Variants in GRK3 observed in about 807,000 individuals in gnomAD.
The protein encoded by GRK3 is G protein-coupled receptor kinase 3.
In GRK3, 54 loss-of-function variants were observed where a neutral mutation model predicts 95.7. The observed-to-expected ratio is 0.56, with a 90% CI of 0.45 to 0.71. GRK3 has a LOEUF of 0.71. Among genes scored for constraint, GRK3 ranks in the 30% least tolerant of loss-of-function variants. The pLI, the probability that GRK3 is intolerant of heterozygous loss-of-function variation, is 0.00. For synonymous variants in GRK3, 281 were observed against 290.8 expected (o/e 0.97, Z 0.34); for missense variants, 649 against 851.2 (o/e 0.76, Z 2.96).
At chr22:25,645,544 A>C (rs1182177794) in intron 3 of GRK3, among the ~76,000 whole-genome samples, 2 of 152,224 alleles carry the variant, frequency 1.3e-5, no homozygotes, top group African/African-American at 4.8e-5. Context: ...AGCTAAGCTG[A>C]AAACTTGTAA....
intron 14 of GRK3, 51 bp from the exon 15 acceptor site, chr22:25,704,058 G>A: frequency 1.5e-6 from 2 of 1,368,982 alleles, no homozygotes; most frequent in South Asian, 1.2e-5. Context: ...TTGAGTGTTA[G>A]GATGCTGTTT....
intron 1 of GRK3, among the ~76,000 whole-genome samples, chr22:25,597,548 G>A (rs112660832): frequency 2.4e-4 from 36 of 152,074 alleles, no homozygotes; most frequent in African/African-American, 5.8e-4. Context: ...ATCACAGTGC[G>A]CCCCATGAAT....
intron 2 of GRK3, among the ~76,000 whole-genome samples, chr22:25,629,079 C>A (rs528924722): frequency 9.0e-4 from 137 of 152,142 alleles, no homozygotes; most frequent in African/African-American, 3.0e-3. Flanking sequence ...AAAATAAAAA[C>A]AAATCATTGT....
At chr22:25,582,546 C>T (rs986468227) in intron 1 of GRK3, among the ~76,000 whole-genome samples, 7 of 152,120 alleles carry the variant, frequency 4.6e-5, no homozygotes, top group African/African-American at 1.7e-4. Context: ...AGTGCTCATT[C>T]ATCTGAAGAA....
At chr22:25,625,444 C>A (rs2084620353) in intron 2 of GRK3, among the ~76,000 whole-genome samples, 1 of 152,212 alleles carries the variant, frequency 6.6e-6, no homozygotes, top group Non-Finnish European at 1.5e-5. Flanking sequence ...GCTCTTTGGT[C>A]TAGCGGTGAC....
chr22:25,718,418 G>T, intron 19 of GRK3, 37 bp downstream of exon 19: 1 of 1,609,726 alleles, frequency 6.2e-7, no homozygotes. Context: ...ATGTTTCCCA[G>T]TACGTACAAT....
chr22:25,600,392 G>A (rs1209351530), intron 1 of GRK3, among the ~76,000 whole-genome samples: 3 of 152,018 alleles, frequency 2.0e-5, no homozygotes, highest in East Asian at 1.9e-4. Context: ...CACCTGCCTC[G>A]GCCTCCCAAA....
intron 5 of GRK3, among the ~76,000 whole-genome samples, chr22:25,664,477 A>G (rs1569184637): frequency 6.6e-6 from 1 of 151,078 alleles, no homozygotes; most frequent in Non-Finnish European, 1.5e-5. Context: ...TTTTTCCTGG[A>G]TAAGTTGGGC....
chr22:25,689,435 G>A (rs1249837466), intron 11 of GRK3, among the ~76,000 whole-genome samples: 1 of 152,020 alleles, frequency 6.6e-6, no homozygotes, highest in African/African-American at 2.4e-5. Context: ...GATTATTCAT[G>A]CTTCAGTTTT....
At chr22:25,629,921 A>G (rs896036919) in intron 2 of GRK3, among the ~76,000 whole-genome samples, 11 of 152,196 alleles carry the variant, frequency 7.2e-5, no homozygotes, top group African/African-American at 2.7e-4. Flanking sequence ...CACTTAATAC[A>G]AGACAAGTAA....
chr22:25,586,454 A>G (rs1447971554), intron 1 of GRK3, among the ~76,000 whole-genome samples: 1 of 152,302 alleles, frequency 6.6e-6, no homozygotes, highest in Admixed American at 6.5e-5. Flanking sequence ...TTGCATGTCT[A>G]TATCAAAACA....
intron 3 of GRK3, among the ~76,000 whole-genome samples, chr22:25,646,992 G>T (rs2084787912): frequency 7.5e-6 from 1 of 133,654 alleles, no homozygotes; most frequent in South Asian, 2.3e-4. Context: ...TTGCACTCTA[G>T]CCTGGGTGAC....
intron 2 of GRK3, among the ~76,000 whole-genome samples, chr22:25,631,291 C>G (rs1394889264): frequency 6.6e-6 from 1 of 152,130 alleles, no homozygotes; most frequent in Non-Finnish European, 1.5e-5. Flanking sequence ...TTGTTTATGA[C>G]CTCTGTATTA....
intron 2 of GRK3, among the ~76,000 whole-genome samples, chr22:25,637,077 G>A (rs1178806860): frequency 6.6e-6 from 1 of 152,154 alleles, no homozygotes. Flanking sequence ...TGGAGAAAGA[G>A]CTCATCCTTT....
chr22:25,688,496 G>A (rs965193283), intron 11 of GRK3, among the ~76,000 whole-genome samples: 11 of 152,064 alleles, frequency 7.2e-5, no homozygotes, highest in African/African-American at 2.2e-4. Context: ...ACCAGCCTGC[G>A]GAATTTCTCT....
At chr22:25,712,386 G>A (rs1427997245) in intron 17 of GRK3, among the ~76,000 whole-genome samples, 2 of 152,216 alleles carry the variant, frequency 1.3e-5, no homozygotes, top group African/African-American at 4.8e-5. Context: ...AGGTATATGA[G>A]TATACAGCAG....
chr22:25,670,879 T>TA (rs1385890004), intron 6 of GRK3, among the ~76,000 whole-genome samples: 31 of 34,310 alleles, frequency 9.0e-4, no homozygotes, highest in Admixed American at 1.5e-3. Flanking sequence ...CTACTAAAAA[T>TA]ACAAAAAAAA....
At chr22:25,636,883 G>A (rs762775632) in intron 2 of GRK3, among the ~76,000 whole-genome samples, 3 of 152,126 alleles carry the variant, frequency 2.0e-5, no homozygotes, top group South Asian at 4.1e-4. Context: ...GTAAAGTTTC[G>A]TAGTCAACCT....
At position 25,578,111 on chromosome 22, in the gene GRK3, T is replaced by C. The variant is rs150032068; in HGVS notation, c.113+12958T>C. Among the ~76,000 whole-genome samples the C allele has an allele frequency of 4.8e-4, 73 of 152,286 alleles. No individual in the cohort carries two copies. In the East Asian group the frequency reaches 0.012, roughly 24 times the overall value. On this transcript the variant is annotated intron_variant, in intron 1 of 20. Transcript: ENST00000324198. ...AATAAAAATTCTGTAAGATCAAATTTGAATTGGAAGGTTATTTGAAATTCA... is the reference window on the plus strand; with the variant it reads ...AATAAAAATTCTGTAAGATCAAATTCGAATTGGAAGGTTATTTGAAATTCA...
Sources: gnomAD v4.1 joint callset for allele counts (sites outside exome capture counted in the v4.1 genomes callset) on GRCh38, gnomAD v4.1.1 for gene constraint, MANE v1.5 for transcripts, NCBI Gene and HGNC (gene_info 2026-07-23, HGNC 2026-07-21) for gene names.